The following NEDD1 variants were observed in gnomAD, a reference collection of about 807,000 sequenced individuals.
NEDD1 encodes the protein protein NEDD1.
In NEDD1, 33 loss-of-function variants were observed where a neutral mutation model predicts 74.0. The observed-to-expected ratio is 0.45, with a 90% CI of 0.34 to 0.60. The LOEUF (loss-of-function observed/expected upper bound fraction) is 0.60. Among genes scored for constraint, NEDD1 ranks in the 20% least tolerant of loss-of-function variants. The probability of loss-of-function intolerance (pLI) is 0.01; values close to 1 mark genes in which losing one functional copy is unlikely to be tolerated. For missense variants in NEDD1, 746 were observed against 776.5 expected (o/e 0.96, Z 0.47); for synonymous variants, 250 against 264.4 (o/e 0.95, Z 0.53).
chr12:96,941,235 T>C (rs976282766), intron 10 of NEDD1, among the ~76,000 whole-genome samples: 1 of 152,058 alleles, frequency 6.6e-6, no homozygotes, highest in Non-Finnish European at 1.5e-5. Context: ...CCCACAAAGA[T>C]TTGTGTATTT....
In NEDD1 at chr12:96,907,770, T is replaced by A. The variant is rs1039634149; in HGVS notation, c.-95T>A. 5.3e-6 allele frequency: 8 copies of A among 1,523,362 alleles called. No homozygotes were observed. The highest frequency in any genetic ancestry group is 1.4e-5 in the African/African-American group (1 of 72,322). The allele number at this position is 1,523,362 out of a possible 1,614,324, so 94.4% of individuals were successfully genotyped here. On this transcript the variant is annotated 5_prime_UTR_variant, in exon 2 of 16. Transcript: ENST00000266742. ...AACCCAGGCCGACGTTACCGCCTTG[T>A]GTCCTGACTGCTAGCTTTCGACGGG...
intron 4 of NEDD1, among the ~76,000 whole-genome samples, chr12:96,915,139 T>C (rs1204485091): frequency 6.6e-6 from 1 of 152,242 alleles, no homozygotes; most frequent in African/African-American, 2.4e-5. Context: ...TACTGAAACA[T>C]TGATGTTGTG....
chr12:96,915,837 G>A (rs949251168), intron 4 of NEDD1, among the ~76,000 whole-genome samples: 20 of 152,130 alleles, frequency 1.3e-4, no homozygotes, highest in Non-Finnish European at 2.4e-4. Flanking sequence ...ATTCTGGCGG[G>A]GGACAGGCAG....
intron 3 of NEDD1, 60 bp from the exon 4 acceptor site, chr12:96,912,663 T>A: frequency 1.3e-6 from 1 of 796,718 alleles, no homozygotes; most frequent in Non-Finnish European, 2.2e-6. Context: ...GCAATTCTTA[T>A]AATAGTCTAG....
At chr12:96,922,263 T>C (rs1026622247) in intron 6 of NEDD1, among the ~76,000 whole-genome samples, 2 of 151,492 alleles carry the variant, frequency 1.3e-5, no homozygotes, top group East Asian at 1.9e-4. Flanking sequence ...CAGGAACTTA[T>C]TATATTTTGT....
intron 3 of NEDD1, among the ~76,000 whole-genome samples, chr12:96,910,211 A>G (rs1873772114): frequency 7.6e-6 from 1 of 132,198 alleles, no homozygotes; most frequent in South Asian, 2.6e-4. Context: ...ACCAAATGGA[A>G]TAAGGTTGGT....
intron 12 of NEDD1, 88 bp downstream of exon 12, chr12:96,943,850 G>C (rs1877920480): frequency 1.4e-6 from 1 of 716,264 alleles, no homozygotes; most frequent in East Asian, 2.6e-5. Flanking sequence ...CTAATTATTA[G>C]CATTGCTATG....
intron 1 of NEDD1, 70 bp from the exon 2 acceptor site, chr12:96,907,534 C>T (rs1445703770): frequency 1.4e-5 from 19 of 1,349,008 alleles, no homozygotes; most frequent in Non-Finnish European, 2.0e-5. Context: ...GTGCTGCCTC[C>T]GAAAAGTTTG....
At chr12:96,907,896 G>A in intron 2 of NEDD1, 40 bp downstream of exon 2, 1 of 1,318,140 alleles carries the variant, frequency 7.6e-7, no homozygotes, top group Non-Finnish European at 9.7e-7. Flanking sequence ...CCCGCTTTAA[G>A]AGCCGAAAAC....
At chr12:96,924,892 A>G (rs768318121) in intron 6 of NEDD1, 9 of 447,580 alleles carry the variant, frequency 2.0e-5, no homozygotes, top group South Asian at 1.1e-4. Context: ...TTTGTCCCCA[A>G]ATTCTGGAAG....
chr12:96,932,487 T>TATATATATAA (rs1300455459), intron 6 of NEDD1, among the ~76,000 whole-genome samples: 1 of 75,054 alleles, frequency 1.3e-5, no homozygotes, highest in African/African-American at 4.9e-5. Context: ...TATATATATA[T>TATATATATAA]AAAATGCACA....
At chr12:96,929,838 A>C (rs1004043239) in intron 6 of NEDD1, among the ~76,000 whole-genome samples, 17 of 152,046 alleles carry the variant, frequency 1.1e-4, no homozygotes, top group Non-Finnish European at 2.1e-4. Context: ...CCTTCCTGCA[A>C]ACCTGTAGCA....
At chr12:96,931,579 A>T (rs1013514361) in intron 6 of NEDD1, among the ~76,000 whole-genome samples, 1 of 152,312 alleles carries the variant, frequency 6.6e-6, no homozygotes, top group African/African-American at 2.4e-5. Context: ...ATGAATTACA[A>T]TTTTTTTCAT....
intron 6 of NEDD1, among the ~76,000 whole-genome samples, chr12:96,934,482 CTTTCT>C (rs574648254): frequency 5.8e-4 from 87 of 150,850 alleles, no homozygotes; most frequent in African/African-American, 1.1e-3. Flanking sequence ...ATTTGTTACC[CTTTCT>C]TTTCTTTTCT....
intron 14 of NEDD1, among the ~76,000 whole-genome samples, chr12:96,946,898 G>A (rs1247057942): frequency 6.6e-6 from 1 of 152,174 alleles, no homozygotes; most frequent in African/African-American, 2.4e-5. Context: ...TGGCTTGGCT[G>A]TGTGGTCTGT....
At position 96,917,689 on chromosome 12, in the gene NEDD1, T is replaced by C. The variant is rs1359280314; in HGVS notation, c.300T>C (p.Thr100=). 6.4e-7 allele frequency: 1 copy of C among 1,564,170 alleles called. No homozygotes were observed. The highest frequency in any genetic ancestry group is 1.2e-5 in the South Asian group (1 of 80,074). The part of the protein sequence containing the change: ...MYLVSGGLNN[T]VNIWDLKSKR... The stretch of plus-strand genomic sequence containing the variant: ...TGGTAAGCGGAGGCCTAAATAACAC[T>C]GTTAATATTTGGGATTTAAAATCAA... Residue 100 remains threonine (T), a synonymous_variant, in exon 5 of 16, where the codon ACT becomes ACC. Coordinates refer to ENST00000266742, the MANE Select transcript of NEDD1 (RefSeq NM_152905.4).
intron 5 of NEDD1, 94 bp from the exon 6 acceptor site, chr12:96,919,891 G>A: frequency 1.3e-6 from 1 of 742,066 alleles, no homozygotes; most frequent in Non-Finnish European, 2.2e-6. Flanking sequence ...ATATTAGATT[G>A]ATAAATACAT....
At position 96,917,693 on chromosome 12, in the gene NEDD1, A is replaced by T; in HGVS notation, c.304A>T (p.Asn102Tyr). 1 of 1,563,306 alleles carries T rather than the reference A, an allele frequency of 6.4e-7. No individual in the cohort carries two copies. Among genetic ancestry groups the T allele is most frequent in the East Asian group, 2.4e-5 (1 of 42,436 alleles). ...AAGCGGAGGCCTAAATAACACTGTT[A>T]ATATTTGGGATTTAAAATCAAAAAG... ...LVSGGLNNTV[N>Y]IWDLKSKRVH... The change falls in exon 5 of 16, where the codon AAT (asparagine) becomes TAT (tyrosine). Residue 102 changes from asparagine to tyrosine, a missense_variant. Transcript: ENST00000266742.
intron 4 of NEDD1, among the ~76,000 whole-genome samples, chr12:96,917,156 T>G (rs1874548618): frequency 6.6e-6 from 1 of 152,186 alleles, no homozygotes; most frequent in Non-Finnish European, 1.5e-5. Context: ...CTTGACTTCT[T>G]TAAAAAAAAA....
Sources: gnomAD v4.1 joint callset for allele counts (sites outside exome capture counted in the v4.1 genomes callset) on GRCh38, gnomAD v4.1.1 for gene constraint, MANE v1.5 for transcripts, NCBI Gene and HGNC (gene_info 2026-07-23, HGNC 2026-07-21) for gene names.